MROH2B: variants seen among roughly 807,000 people sequenced by gnomAD.
MROH2B encodes the protein maestro heat-like repeat-containing protein family member 2B.
MROH2B carries 177 observed loss-of-function variants against 208.6 expected under a neutral mutation model. The ratio of observed to expected loss-of-function variants is 0.85; its 90% CI spans 0.75 to 0.96. MROH2B has a LOEUF of 0.96. Among genes scored for constraint, MROH2B ranks in the 40% least tolerant of loss-of-function variants. MROH2B has a pLI of 0.00. For synonymous variants in MROH2B, 728 were observed against 659.0 expected, an observed-to-expected ratio of 1.10 and a Z score of -1.60; for missense variants, 2,002 against 1,878.7, an observed-to-expected ratio of 1.07 and a Z score of -1.21.
In MROH2B at chr5:41,070,815, T is replaced by C. The variant is rs371798083; in HGVS notation, c.28+10A>G. 1 of 1,609,916 alleles carries C rather than the reference T, an allele frequency of 6.2e-7. No individual in the cohort carries two copies. Among genetic ancestry groups the C allele is most frequent in the Non-Finnish European group, 8.5e-7 (1 of 1,178,012 alleles). ...AGAGCCTTGGCTTCTCAGGATCTGATGATGCTTACCTATGGATTCCTCTGT... is the reference window on the plus strand; with the variant it reads ...AGAGCCTTGGCTTCTCAGGATCTGACGATGCTTACCTATGGATTCCTCTGT... On this transcript the variant is annotated intron_variant, in intron 1 of 41. Transcript: ENST00000399564.
chr5:41,045,900 G>T, intron 17 of MROH2B, 47 bp from the exon 18 acceptor site: 1 of 1,338,010 alleles, frequency 7.5e-7, no homozygotes, highest in Non-Finnish European at 1.0e-6. Flanking sequence ...CGTTTCATGT[G>T]CTTTCTTGGC....
intron 33 of MROH2B, among the ~76,000 whole-genome samples, 166 bp from the exon 34 acceptor site, chr5:41,007,620 C>T (rs930167026): frequency 3.3e-5 from 5 of 152,136 alleles, no homozygotes; most frequent in African/African-American, 1.2e-4. Context: ...GCCTTGGGAT[C>T]CATGGGGACA....
chr5:41,006,225 T>A (rs1741587551), intron 34 of MROH2B, among the ~76,000 whole-genome samples: 1 of 151,498 alleles, frequency 6.6e-6, no homozygotes, highest in Non-Finnish European at 1.5e-5. Context: ...CCAACAAACA[T>A]ATGGAAAAAT....
At chr5:41,014,982 T>C (rs1385173527) in intron 29 of MROH2B, among the ~76,000 whole-genome samples, 2 of 152,192 alleles carry the variant, frequency 1.3e-5, no homozygotes, top group East Asian at 3.8e-4. Flanking sequence ...GGAAGGTAAA[T>C]GAATGCATGA....
At chr5:41,049,914 G>A (rs916773892) in intron 13 of MROH2B, among the ~76,000 whole-genome samples, 2 of 152,182 alleles carry the variant, frequency 1.3e-5, no homozygotes, top group African/African-American at 4.8e-5. Context: ...TGCTCTGGAA[G>A]TCTGAAACAT....
rs538705540 is a variant in MROH2B at position 41,049,505 on chromosome 5, C to A, written c.1345-69G>T. 538 of 1,508,250 alleles carry A rather than the reference C, an allele frequency of 3.6e-4. 2 individuals are homozygous for A. The highest frequency in any genetic ancestry group is 6.2e-4 in the East Asian group (27 of 43,634). 93.4% of individuals were successfully genotyped at this position (1,508,250 alleles called of 1,614,324 possible). A position where few individuals can be genotyped will look rare whatever the true frequency, so the allele number is the denominator to read the frequency against. On this transcript the variant is annotated intron_variant, in intron 13 of 41. Transcript: ENST00000399564. ...CATTATTTCTCCCTGGTCCTCACTGCATGTTTTTCTCTGATTTAGAAGCTT... is the reference window on the plus strand; with the variant it reads ...CATTATTTCTCCCTGGTCCTCACTGAATGTTTTTCTCTGATTTAGAAGCTT...
chr5:41,024,187 T>G (rs1423180798), intron 24 of MROH2B, among the ~76,000 whole-genome samples: 1 of 152,092 alleles, frequency 6.6e-6, no homozygotes, highest in East Asian at 1.9e-4. Flanking sequence ...CATAACAATA[T>G]TAACCTTAAA....
chr5:41,008,560 T>C (rs1234692676), intron 33 of MROH2B, 46 bp downstream of exon 33: 4 of 1,598,854 alleles, frequency 2.5e-6, no homozygotes, highest in Non-Finnish European at 2.6e-6. Context: ...TCCTGGAGTC[T>C]GGGATTAGGA....
At chr5:41,008,548 A>G (rs2271705) in intron 33 of MROH2B, 58 bp downstream of exon 33, 1,288,184 of 1,575,974 alleles carry the variant, frequency 0.82, 528,110 homozygotes, top group African/African-American at 0.87. Context: ...CTGCAGCACC[A>G]CTCCTGGAGT....
At chr5:41,000,595 C>G (rs1381375050) in intron 38 of MROH2B, 83 bp downstream of exon 38, 1 of 1,484,504 alleles carries the variant, frequency 6.7e-7, no homozygotes, top group Non-Finnish European at 9.0e-7. Flanking sequence ...AGATCTGGCT[C>G]CTGGTGCAGC....
intron 28 of MROH2B, among the ~76,000 whole-genome samples, chr5:41,016,508 T>TTG (rs1341228189): frequency 1.4e-5 from 2 of 138,712 alleles, no homozygotes; most frequent in African/African-American, 5.4e-5. Context: ...GTTTTTTTTT[T>TTG]TTTTTTTTTT....
At chr5:41,055,421 G>A (rs1398115569) in intron 10 of MROH2B, among the ~76,000 whole-genome samples, 1 of 151,932 alleles carries the variant, frequency 6.6e-6, no homozygotes, top group Non-Finnish European at 1.5e-5. Flanking sequence ...CTAGAGAATT[G>A]TGCACTCCCT....
chr5:41,054,868 G>A, intron 10 of MROH2B, 28 bp from the exon 11 acceptor site: 1 of 1,501,524 alleles, frequency 6.7e-7, no homozygotes, highest in Non-Finnish European at 9.2e-7. Flanking sequence ...AAATTGAGAG[G>A]CCTGACTCAA....
intron 5 of MROH2B, among the ~76,000 whole-genome samples, chr5:41,063,943 T>C (rs1279016877): frequency 1.3e-5 from 2 of 152,240 alleles, no homozygotes; most frequent in African/African-American, 4.8e-5. Flanking sequence ...CTTGCCTATT[T>C]TTCTTGATTT....
intron 2 of MROH2B, among the ~76,000 whole-genome samples, chr5:41,067,845 G>A (rs922591664): frequency 6.6e-6 from 1 of 152,166 alleles, no homozygotes; most frequent in African/African-American, 2.4e-5. Context: ...GGACACTCAG[G>A]GGAATGGAAA....
At chr5:41,012,127 C>A (rs957106923) in intron 30 of MROH2B, among the ~76,000 whole-genome samples, 15 of 152,208 alleles carry the variant, frequency 9.9e-5, no homozygotes, top group Non-Finnish European at 2.2e-4. Flanking sequence ...GAATTGAGGA[C>A]TTTCCCCAAT....
At chr5:41,033,272 C>A in intron 22 of MROH2B, 112 bp from the exon 23 acceptor site, 2 of 1,436,044 alleles carry the variant, frequency 1.4e-6, no homozygotes, top group South Asian at 1.3e-5. Context: ...AGAATCTTTG[C>A]TTCCTTTGCC....
At chr5:41,050,213 G>A (rs1743245181) in intron 13 of MROH2B, among the ~76,000 whole-genome samples, 1 of 152,098 alleles carries the variant, frequency 6.6e-6, no homozygotes, top group Admixed American at 6.6e-5. Flanking sequence ...TAAATGTTTA[G>A]CTCTTGCTTA....
intron 24 of MROH2B, among the ~76,000 whole-genome samples, chr5:41,025,702 T>C (rs1742330934): frequency 6.6e-6 from 1 of 152,182 alleles, no homozygotes; most frequent in South Asian, 2.1e-4. Context: ...AGCATCATCC[T>C]GATACCAAAG....
Sources: allele counts gnomAD v4.1 joint callset (sites outside exome capture counted in the v4.1 genomes callset), GRCh38; gene constraint gnomAD v4.1.1; transcripts MANE v1.5; gene names NCBI Gene and HGNC (gene_info 2026-07-23, HGNC 2026-07-21).